Variants in EHHADH observed in about 807,000 individuals in gnomAD.
The protein encoded by EHHADH is peroxisomal bifunctional enzyme.
EHHADH carries 48 observed loss-of-function variants against 64.4 expected under a neutral mutation model. The observed-to-expected ratio is 0.75, with a 90% CI of 0.59 to 0.95. The LOEUF (loss-of-function observed/expected upper bound fraction) is 0.95, where lower values mean the gene tolerates loss of function less well. Ranked by LOEUF, EHHADH falls within the 40% of genes least tolerant of loss-of-function variation. EHHADH has a pLI of 0.00. For missense variants in EHHADH, 854 were observed against 876.6 expected, an observed-to-expected ratio of 0.97 and a Z score of 0.33; for synonymous variants, 308 against 326.7, an observed-to-expected ratio of 0.94 and a Z score of 0.62.
intron 1 of EHHADH, among the ~76,000 whole-genome samples, chr3:185,252,711 A>G (rs1719782741): frequency 6.6e-6 from 1 of 152,250 alleles, no homozygotes; most frequent in South Asian, 2.1e-4. Context: ...ATGAATTAAT[A>G]TTAATACTAA....
In EHHADH at chr3:185,204,615, G is replaced by C. The variant is rs1362613738; in HGVS notation, c.711C>G (p.Val237=). The change falls in exon 6 of 7, where the codon GTC becomes GTG. Residue 237 remains valine, a synonymous_variant. Coordinates refer to ENST00000231887, the MANE Select transcript of EHHADH (RefSeq NM_001966.4). The stretch of plus-strand genomic sequence containing the variant: ...CATAGGGATACTGCACAGCAGCCTG[G>C]ACTGCACGGACACAAGCCTCCTGTG... ...CLAQEACVRA[V]QAAVQYPYEV... is the part of the protein sequence containing the mutation. 9.3e-6 allele frequency: 15 copies of C among 1,614,080 alleles called. No individual in the cohort carries two copies. The highest frequency in any genetic ancestry group is 1.3e-5 in the Non-Finnish European group (15 of 1,180,038).
At chr3:185,248,687 A>G (rs1719662781) in intron 1 of EHHADH, among the ~76,000 whole-genome samples, 170 bp from the exon 2 acceptor site, 1 of 152,254 alleles carries the variant, frequency 6.6e-6, no homozygotes, top group Non-Finnish European at 1.5e-5. Flanking sequence ...TGACTATTAA[A>G]TTTCTTCTAC....
chr3:185,237,848 T>C (rs1256345438), intron 2 of EHHADH, among the ~76,000 whole-genome samples: 1 of 152,156 alleles, frequency 6.6e-6, no homozygotes, highest in African/African-American at 2.4e-5. Flanking sequence ...TTGGTGTGCC[T>C]ATCACCCAAA....
chr3:185,248,609 C>T, intron 1 of EHHADH, 92 bp from the exon 2 acceptor site: 1 of 867,440 alleles, frequency 1.2e-6, no homozygotes, highest in Non-Finnish European at 1.8e-6. Context: ...AAAAATTAAA[C>T]ACACACATAA....
chr3:185,253,773 AAAAG>A, intron 1 of EHHADH, 172 bp downstream of exon 1: 8 of 1,322,978 alleles, frequency 6.0e-6, no homozygotes, highest in East Asian at 2.8e-5. Context: ...AAAAAAAAAA[AAAAG>A]AAAAGAAAAA....
At chr3:185,215,600 T>C (rs1718662164) in intron 5 of EHHADH, among the ~76,000 whole-genome samples, 1 of 152,198 alleles carries the variant, frequency 6.6e-6, no homozygotes, top group African/African-American at 2.4e-5. Flanking sequence ...TGTAAACAAC[T>C]ACCAAAATTC....
chr3:185,223,080 C>T (rs1196162384), intron 4 of EHHADH, among the ~76,000 whole-genome samples: 1 of 152,054 alleles, frequency 6.6e-6, no homozygotes, highest in East Asian at 1.9e-4. Flanking sequence ...TCTATTTTTT[C>T]TTTTGGTTAT....
At chr3:185,250,601 TAAAAC>T (rs1238504800) in intron 1 of EHHADH, among the ~76,000 whole-genome samples, 2 of 152,186 alleles carry the variant, frequency 1.3e-5, no homozygotes, top group Non-Finnish European at 2.9e-5. Flanking sequence ...AAATAAATTT[TAAAAC>T]AAAACAAACA....
intron 6 of EHHADH, among the ~76,000 whole-genome samples, chr3:185,202,552 G>A (rs963002333): frequency 4.6e-5 from 7 of 152,106 alleles, no homozygotes; most frequent in East Asian, 1.9e-4. Context: ...GCTGTGGACC[G>A]GTACCAGTCC....
At chr3:185,210,564 G>A (rs1212605573) in intron 5 of EHHADH, among the ~76,000 whole-genome samples, 3 of 151,626 alleles carry the variant, frequency 2.0e-5, no homozygotes, top group Admixed American at 6.6e-5. Flanking sequence ...GAATCTGGGC[G>A]GCAGAGGTTG....
intron 3 of EHHADH, among the ~76,000 whole-genome samples, chr3:185,234,861 C>T (rs984265061): frequency 1.3e-5 from 2 of 152,192 alleles, no homozygotes; most frequent in African/African-American, 4.8e-5. Flanking sequence ...CAGCTGAAGT[C>T]GTTAACCAGT....
chr3:185,197,958 A>G (rs1718111944), intron 6 of EHHADH, among the ~76,000 whole-genome samples: 1 of 151,886 alleles, frequency 6.6e-6, no homozygotes, highest in Non-Finnish European at 1.5e-5. Flanking sequence ...CACCACGTCC[A>G]GCTAATTTTT....
Position 185,237,528 on chromosome 3 carries a change from T to G in EHHADH, c.179-2066A>C, listed in dbSNP as rs144904998. On this transcript the variant is annotated intron_variant, in intron 2 of 6. Coordinates refer to ENST00000231887, the MANE Select transcript of EHHADH (RefSeq NM_001966.4). ...ATACCTTTTGCCTGATTAAGGCATT[T>G]TCTTTTTGTACCTCATTTACTAAGA... 2.3e-3 allele frequency among the ~76,000 whole-genome samples: 353 copies of G among 152,336 alleles called. 3 individuals carry two copies. Among genetic ancestry groups the G allele is most frequent in the Non-Finnish European group, 4.0e-3 (274 of 68,022 alleles).
intron 2 of EHHADH, among the ~76,000 whole-genome samples, chr3:185,243,140 G>A (rs1430153969): frequency 6.6e-6 from 1 of 152,242 alleles, no homozygotes; most frequent in Non-Finnish European, 1.5e-5. Context: ...AGTTTCCCCA[G>A]TGGGGGTGTG....
At chr3:185,194,252 C>T (rs1433411370) in intron 6 of EHHADH, among the ~76,000 whole-genome samples, 1 of 152,172 alleles carries the variant, frequency 6.6e-6, no homozygotes, top group African/African-American at 2.4e-5. Flanking sequence ...GAGAGGATCA[C>T]TTGGAACCAG....
In EHHADH at chr3:185,191,778, C is replaced by T. The variant is rs546206986; in HGVS notation, c.*448G>A. 2 of 162,286 alleles carry T rather than the reference C, an allele frequency of 1.2e-5. No individual in the cohort carries two copies. Among genetic ancestry groups the T allele is most frequent in the African/African-American group, 4.8e-5 (2 of 41,678 alleles). The allele number at this position is 162,286 out of a possible 1,614,324, so 10.1% of individuals were successfully genotyped here. ...ACTCAGTTCCCTTACCAATTTCCAACTGTCTTTTTCCTACAACTTTAATGT... is the reference window on the plus strand; with the variant it reads ...ACTCAGTTCCCTTACCAATTTCCAATTGTCTTTTTCCTACAACTTTAATGT... On this transcript the variant is annotated 3_prime_UTR_variant, in exon 7 of 7. Transcript: ENST00000231887.
chr3:185,218,294 A>G (rs1277567591), intron 4 of EHHADH, 54 bp from the exon 5 acceptor site: 1 of 1,287,540 alleles, frequency 7.8e-7, no homozygotes, highest in Admixed American at 1.8e-5. Context: ...TGTAAGATTA[A>G]AGCAAAAGCA....
At chr3:185,234,161 A>C (rs1397842450) in intron 3 of EHHADH, among the ~76,000 whole-genome samples, 3 of 152,184 alleles carry the variant, frequency 2.0e-5, no homozygotes, top group Non-Finnish European at 2.9e-5. Flanking sequence ...ATTAATTACA[A>C]AAATGCCACC....
intron 1 of EHHADH, among the ~76,000 whole-genome samples, chr3:185,249,788 GTTGCC>G (rs1410315175): frequency 5.3e-5 from 8 of 151,710 alleles, no homozygotes; most frequent in African/African-American, 1.9e-4. Context: ...CAAAAATATG[GTTGCC>G]CAAAATAAAG....
Sources: gnomAD v4.1 joint callset for allele counts (sites outside exome capture counted in the v4.1 genomes callset) on GRCh38, gnomAD v4.1.1 for gene constraint, MANE v1.5 for transcripts, NCBI Gene and HGNC (gene_info 2026-07-23, HGNC 2026-07-21) for gene names.